The following FANCA variants were observed in gnomAD, a reference collection of about 807,000 sequenced individuals.
FANCA encodes Fanconi anemia group A protein.
A neutral mutation model predicts 194.3 loss-of-function variants in FANCA; 236 were observed. That is an observed-to-expected ratio of 1.21 (90% CI 1.09 to 1.35). The LOEUF is 1.35. Among genes scored for constraint, FANCA ranks in the 40% most tolerant of loss-of-function variants. FANCA has a pLI of 0.00. For synonymous variants in FANCA, 1,014 were observed against 715.8 expected, an observed-to-expected ratio of 1.42 and a Z score of -6.65; for missense variants, 2,628 against 1,813.9, an observed-to-expected ratio of 1.45 and a Z score of -8.15.
rs574311470 is a variant in FANCA, at chr16:89,810,941, A to T, written c.414T>A (p.Thr138=). 1 of 1,614,044 alleles carries T rather than the reference A, an allele frequency of 6.2e-7. No individual in the cohort carries two copies. Among genetic ancestry groups the T allele is most frequent in the Non-Finnish European group, 8.5e-7 (1 of 1,180,048 alleles). The stretch of plus-strand genomic sequence containing the variant: ...GCTGGTGTCTTACTCTCTGCTCCAC[A>T]GTCAGCAGCACAGGGTGACTGGTCT... ...PAETSHPVLL[T]VEQRKKLSSL... Residue 138 remains threonine, a synonymous_variant, in exon 4 of 43, where the codon ACT becomes ACA. Transcript: ENST00000389301.
chr16:89,816,031 C>T (rs1477307478), intron 1 of FANCA, 45 bp from the exon 2 acceptor site: 1 of 1,473,260 alleles, frequency 6.8e-7, no homozygotes, highest in East Asian at 2.3e-5. Context: ...ACAATTCACA[C>T]ACGGGGTCCC....
At chr16:89,797,961 G>C (rs1218277587) in intron 10 of FANCA, among the ~76,000 whole-genome samples, 1 of 152,094 alleles carries the variant, frequency 6.6e-6, no homozygotes, top group African/African-American at 2.4e-5. Context: ...CAGGTCAGTG[G>C]TTGTTACCTG....
At chr16:89,782,753 A>C in intron 17 of FANCA, 106 bp downstream of exon 17, 1 of 1,015,022 alleles carries the variant, frequency 9.9e-7, no homozygotes, top group Non-Finnish European at 1.5e-6. Context: ...AAGACCAGAC[A>C]TGAGACTGGG....
intron 14 of FANCA, 39 bp downstream of exon 14, chr16:89,791,364 A>T: frequency 6.2e-7 from 1 of 1,610,262 alleles, no homozygotes; most frequent in Non-Finnish European, 8.5e-7. Flanking sequence ...GCCTTCTGGG[A>T]AGATCAGGTA....
intron 30 of FANCA, among the ~76,000 whole-genome samples, chr16:89,757,214 G>A (rs1205669542): frequency 2.0e-5 from 3 of 151,906 alleles, no homozygotes; most frequent in Admixed American, 6.6e-5. Flanking sequence ...CGCCTGCCTT[G>A]GCCTCCCAGT....
chr16:89,741,677 T>C (rs2062137066), intron 37 of FANCA, among the ~76,000 whole-genome samples: 2 of 152,106 alleles, frequency 1.3e-5, no homozygotes, highest in African/African-American at 4.8e-5. Flanking sequence ...TGGCCTGGAA[T>C]TCAAGAGCAG....
At chr16:89,800,441 A>G (rs1437968686) in intron 8 of FANCA, among the ~76,000 whole-genome samples, 1 of 152,236 alleles carries the variant, frequency 6.6e-6, no homozygotes, top group Non-Finnish European at 1.5e-5. Flanking sequence ...CCACTGGCTC[A>G]GGAACCTCCA....
chr16:89,748,528 G>A (rs1176637622), intron 33 of FANCA, 131 bp downstream of exon 33: 17 of 780,332 alleles, frequency 2.2e-5, no homozygotes, highest in Non-Finnish European at 3.3e-5. Flanking sequence ...TCCAGACACT[G>A]TTCCCTATTT....
At chr16:89,795,494 C>A (rs17232470) in intron 11 of FANCA, among the ~76,000 whole-genome samples, 2,589 of 151,700 alleles carry the variant, frequency 0.017, 91 homozygotes, top group African/African-American at 0.059. Flanking sequence ...AAAAATTAAC[C>A]GGGTGTGGTG....
chr16:89,810,552 A>G (rs2040836602), intron 5 of FANCA, 155 bp downstream of exon 5: 1 of 673,244 alleles, frequency 1.5e-6, no homozygotes, highest in African/African-American at 1.8e-5. Context: ...TTTCCAATCC[A>G]CAGATGATTT....
chr16:89,772,577 G>A (rs1216035087), intron 22 of FANCA, among the ~76,000 whole-genome samples: 1 of 152,068 alleles, frequency 6.6e-6, no homozygotes, highest in Non-Finnish European at 1.5e-5. Flanking sequence ...AGCACTTTGG[G>A]AGGCCAACAC....
intron 35 of FANCA, among the ~76,000 whole-genome samples, chr16:89,745,359 G>A (rs2038347070): frequency 6.6e-6 from 1 of 152,110 alleles, no homozygotes; most frequent in South Asian, 2.1e-4. Flanking sequence ...ACGAAACAGT[G>A]AAGGGACCAC....
intron 32 of FANCA, among the ~76,000 whole-genome samples, chr16:89,749,281 C>T (rs567777149): frequency 3.7e-4 from 57 of 152,162 alleles, no homozygotes; most frequent in Non-Finnish European, 7.2e-4. Context: ...GGCGTGATCT[C>T]GGCTCACTGA....
At chr16:89,746,456 G>T in intron 35 of FANCA, 128 bp downstream of exon 35, 1 of 778,656 alleles carries the variant, frequency 1.3e-6, no homozygotes, top group Non-Finnish European at 2.2e-6. Context: ...TGGCTTCCAT[G>T]TCTCCTGATG....
intron 5 of FANCA, among the ~76,000 whole-genome samples, chr16:89,809,711 G>T (rs376013652): frequency 1.3e-5 from 2 of 152,202 alleles, no homozygotes; most frequent in Admixed American, 6.5e-5. Context: ...AAATTAGCCA[G>T]GCATGGTGGC....
chr16:89,745,899 T>C (rs762795821), intron 35 of FANCA, among the ~76,000 whole-genome samples: 1 of 152,232 alleles, frequency 6.6e-6, no homozygotes, highest in Non-Finnish European at 1.5e-5. Context: ...ACCGAAGAGT[T>C]CATTTCTCAC....
chr16:89,806,775 T>C (rs868756443), intron 6 of FANCA, among the ~76,000 whole-genome samples: 32 of 152,224 alleles, frequency 2.1e-4, no homozygotes, highest in African/African-American at 7.0e-4. Flanking sequence ...AGCAACCATC[T>C]GATTTCGCAA....
At chr16:89,792,437 G>A (rs1165495675) in intron 12 of FANCA, 34 bp downstream of exon 12, 4 of 1,599,786 alleles carry the variant, frequency 2.5e-6, no homozygotes, top group Non-Finnish European at 2.6e-6. Flanking sequence ...CCCGCCACGA[G>A]CTCAGAAGCA....
chr16:89,739,063 C>A, intron 41 of FANCA, 70 bp downstream of exon 41: 2 of 1,613,946 alleles, frequency 1.2e-6, no homozygotes, highest in Non-Finnish European at 1.7e-6. Flanking sequence ...TGTGCCGGAA[C>A]ATTCTTTGGC....
Sources: allele counts gnomAD v4.1 joint callset (sites outside exome capture counted in the v4.1 genomes callset), GRCh38; gene constraint gnomAD v4.1.1; transcripts MANE v1.5; gene names NCBI Gene and HGNC (gene_info 2026-07-23, HGNC 2026-07-21).